The following ERBB4 variants were observed in gnomAD, a reference collection of about 807,000 sequenced individuals.
The protein encoded by ERBB4 is receptor tyrosine-protein kinase erbB-4.
In ERBB4, 42 loss-of-function variants were observed where a neutral mutation model predicts 158.0. That is an observed-to-expected ratio of 0.27 (90% CI 0.21 to 0.34). The LOEUF (loss-of-function observed/expected upper bound fraction) is 0.34. Among genes scored for constraint, ERBB4 ranks in the 10% least tolerant of loss-of-function variants. The probability of loss-of-function intolerance (pLI) is 1.00; values close to 1 mark genes in which losing one functional copy is unlikely to be tolerated. For synonymous variants in ERBB4, 583 were observed against 558.7 expected (o/e 1.04, Z -0.61); for missense variants, 1,333 against 1,624.1 (o/e 0.82, Z 3.08).
chr2:212,328,460 C>T (rs925748900), intron 1 of ERBB4, among the ~76,000 whole-genome samples: 13 of 152,024 alleles, frequency 8.6e-5, no homozygotes, highest in Non-Finnish European at 1.8e-4. Flanking sequence ...ATTTTGACTT[C>T]ATCTTGTTGG....
rs559440139 is a variant in ERBB4 at position 212,018,278 on chromosome 2, G to T, written c.235-70662C>A. Among the ~76,000 whole-genome samples, 15 of 152,198 alleles carry T rather than the reference G, an allele frequency of 9.9e-5. No homozygotes were observed. In the East Asian group the frequency reaches 2.7e-3, roughly 28 times the overall value. On this transcript the variant is annotated intron_variant, in intron 2 of 27. Coordinates refer to ENST00000342788, the MANE Select transcript of ERBB4 (RefSeq NM_005235.3). Reference sequence around the variant, plus strand: ...TCTTCAATAATTCTCTCACCTTTAGGTTTAACCTGAGATAAAGAATACAAG... The same window carrying T: ...TCTTCAATAATTCTCTCACCTTTAGTTTTAACCTGAGATAAAGAATACAAG...
At chr2:211,885,514 G>A (rs1269431533) in intron 3 of ERBB4, among the ~76,000 whole-genome samples, 4 of 151,768 alleles carry the variant, frequency 2.6e-5, no homozygotes, top group African/African-American at 9.7e-5. Flanking sequence ...GGAGTATACT[G>A]GCATGATCTC....
Position 211,654,581 on chromosome 2 carries a change from T to A in ERBB4, c.1946+3173A>T, listed in dbSNP as rs140970831. Among the ~76,000 whole-genome samples, 606 of 152,300 alleles carry A rather than the reference T, an allele frequency of 4.0e-3. 8 individuals are homozygous for A. Among genetic ancestry groups the A allele is most frequent in the Middle Eastern group, 0.024 (7 of 294 alleles). On this transcript the variant is annotated intron_variant, in intron 16 of 27. Transcript: ENST00000342788. ...TAACTTCGTGAGGTTTTCAAAGTGA[T>A]TATTATGCCAACATTTCAACTGGAG...
At chr2:211,713,376 AG>A (rs2106086105) in intron 8 of ERBB4, among the ~76,000 whole-genome samples, 158 bp downstream of exon 8, 1 of 152,296 alleles carries the variant, frequency 6.6e-6, no homozygotes, top group South Asian at 2.1e-4. Flanking sequence ...GTGCTATAAA[AG>A]TTCATATTTT....
At chr2:212,398,482 C>A (rs2091095190) in intron 1 of ERBB4, among the ~76,000 whole-genome samples, 1 of 152,070 alleles carries the variant, frequency 6.6e-6, no homozygotes, top group South Asian at 2.1e-4. Flanking sequence ...CAAACACGCT[C>A]ATCCAAAATG....
In ERBB4 at chr2:211,956,041, TG is replaced by T. The variant is rs2081019247; in HGVS notation, c.235-8426del. Among the ~76,000 whole-genome samples the T allele has an allele frequency of 1.8e-4, 27 of 151,298 alleles. No homozygotes were observed. The South Asian group carries it at 4.2e-3, about 23-fold the overall frequency. ...CTATCATCTCTAAAGTGTGTGTGTG[TG>T]TGTGTGTGTGTGTGTGTGTGTATTT... On this transcript the variant is annotated intron_variant, in intron 2 of 27. Coordinates refer to ENST00000342788, the MANE Select transcript of ERBB4 (RefSeq NM_005235.3).
At chr2:212,120,483 A>G (rs1225501343) in intron 2 of ERBB4, among the ~76,000 whole-genome samples, 1 of 152,228 alleles carries the variant, frequency 6.6e-6, no homozygotes, top group East Asian at 1.9e-4. Flanking sequence ...TTTAATGAAT[A>G]TTTACTATGT....
chr2:212,308,707 G>C (rs986327893), intron 1 of ERBB4, among the ~76,000 whole-genome samples: 11 of 150,896 alleles, frequency 7.3e-5, no homozygotes, highest in African/African-American at 2.7e-4. Context: ...CTCTATGCAC[G>C]ATACTAGGTA....
In ERBB4 at chr2:211,631,204, C is replaced by T. The variant is rs535470355; in HGVS notation, c.1947-610G>A. On this transcript the variant is annotated intron_variant, in intron 16 of 27. Coordinates refer to ENST00000342788, the MANE Select transcript of ERBB4 (RefSeq NM_005235.3). ...CATTCCCAAAGATCTGTCAACATCA[C>T]CCCCAGTTAGGAAGCACTGCTCTAA... Among the ~76,000 whole-genome samples, 5 of 152,198 alleles carry T rather than the reference C, an allele frequency of 3.3e-5. No individual in the cohort carries two copies. In the South Asian group the frequency reaches 1.0e-3, roughly 32 times the overall value.
intron 1 of ERBB4, among the ~76,000 whole-genome samples, chr2:212,465,436 A>G (rs1255291286): frequency 6.6e-6 from 1 of 152,178 alleles, no homozygotes; most frequent in Non-Finnish European, 1.5e-5. Context: ...AATCAGAATG[A>G]CAATGATAAT....
intron 1 of ERBB4, among the ~76,000 whole-genome samples, chr2:212,441,289 G>A (rs2092249072): frequency 6.6e-6 from 1 of 152,168 alleles, no homozygotes; most frequent in South Asian, 2.1e-4. Flanking sequence ...CTTTGTCTGA[G>A]GAGATAAACC....
chr2:211,565,294 A>AAGG (rs1553569627), intron 19 of ERBB4, among the ~76,000 whole-genome samples: 2 of 128,714 alleles, frequency 1.6e-5, no homozygotes, highest in African/African-American at 4.0e-5. Flanking sequence ...CTGTGGGAAG[A>AAGG]TGGGACAGAG....
At chr2:211,553,296 T>C (rs2067152983) in intron 20 of ERBB4, among the ~76,000 whole-genome samples, 1 of 152,048 alleles carries the variant, frequency 6.6e-6, no homozygotes. Context: ...ACATAAAAAT[T>C]AGAAGCCAAG....
At chr2:212,402,550 G>T (rs1480056327) in intron 1 of ERBB4, among the ~76,000 whole-genome samples, 1 of 151,962 alleles carries the variant, frequency 6.6e-6, no homozygotes, top group Non-Finnish European at 1.5e-5. Flanking sequence ...TCAACTTTTT[G>T]ATTATAATAT....
At chr2:212,100,913 C>G (rs1012683622) in intron 2 of ERBB4, among the ~76,000 whole-genome samples, 1 of 152,076 alleles carries the variant, frequency 6.6e-6, no homozygotes, top group African/African-American at 2.4e-5. Context: ...TTTGTTTATT[C>G]TGCTTATTGA....
chr2:212,157,298 T>C (rs2081068353), intron 1 of ERBB4, among the ~76,000 whole-genome samples: 2 of 152,048 alleles, frequency 1.3e-5, no homozygotes, highest in Non-Finnish European at 2.9e-5. Context: ...CCCTGGCACC[T>C]CTAAGTGGGG....
At chr2:211,430,531 A>G (rs1297072470) in intron 21 of ERBB4, among the ~76,000 whole-genome samples, 1 of 152,100 alleles carries the variant, frequency 6.6e-6, no homozygotes, top group Non-Finnish European at 1.5e-5. Flanking sequence ...TCTCTAATCT[A>G]TGAGAGAGAA....
At chr2:212,014,957 C>T (rs573202308) in intron 2 of ERBB4, among the ~76,000 whole-genome samples, 14 of 147,006 alleles carry the variant, frequency 9.5e-5, no homozygotes, top group Admixed American at 3.4e-4. Flanking sequence ...CTTTGGGAGG[C>T]GAAGGCGGAT....
At chr2:212,221,994 T>A (rs1046946217) in intron 1 of ERBB4, among the ~76,000 whole-genome samples, 3 of 151,608 alleles carry the variant, frequency 2.0e-5, no homozygotes, top group African/African-American at 7.2e-5. Context: ...ATGCACAGTG[T>A]CTGAAGCATA....
Sources: allele counts gnomAD v4.1 joint callset (sites outside exome capture counted in the v4.1 genomes callset), GRCh38; gene constraint gnomAD v4.1.1; transcripts MANE v1.5; gene names NCBI Gene and HGNC (gene_info 2026-07-23, HGNC 2026-07-21).